Variants in CAMTA1 observed in about 807,000 individuals in gnomAD.
CAMTA1 encodes calmodulin binding transcription activator 1, also known as calmodulin-binding transcription activator 1.
A neutral mutation model predicts 170.9 loss-of-function variants in CAMTA1; 27 were observed. The observed-to-expected ratio is 0.16, with a 90% CI of 0.12 to 0.22. The LOEUF (loss-of-function observed/expected upper bound fraction) is 0.22, where lower values mean the gene tolerates loss of function less well. CAMTA1 is among the 10% of genes least tolerant of loss of function. The probability of loss-of-function intolerance (pLI) is 1.00; values close to 1 mark genes in which losing one functional copy is unlikely to be tolerated. For synonymous variants in CAMTA1, 833 were observed against 891.5 expected (o/e 0.93, Z 1.17); for missense variants, 1,619 against 2,217.2 (o/e 0.73, Z 5.42).
chr1:7,718,554 CTTTTT>C (rs34752156), intron 11 of CAMTA1, among the ~76,000 whole-genome samples: 18 of 123,542 alleles, frequency 1.5e-4, no homozygotes, highest in Non-Finnish European at 2.7e-4. Flanking sequence ...CATTACAGCA[CTTTTT>C]TTTTTTTTTT....
intron 7 of CAMTA1, among the ~76,000 whole-genome samples, chr1:7,660,243 T>C (rs542927949): frequency 6.6e-6 from 1 of 152,334 alleles, no homozygotes; most frequent in Admixed American, 6.5e-5. Context: ...TAATTTTGTA[T>C]TTTTGGTAGA....
In CAMTA1 at chr1:7,685,769, A is replaced by T. The variant is rs2096252713; in HGVS notation, c.2914+8036A>T. Among the ~76,000 whole-genome samples, 1 of 152,060 alleles carries T rather than the reference A, an allele frequency of 6.6e-6. No homozygotes were observed. The highest frequency in any genetic ancestry group is 2.4e-5 in the African/African-American group (1 of 41,374). On this transcript the variant is annotated intron_variant, in intron 11 of 22. Coordinates refer to ENST00000303635, the MANE Select transcript of CAMTA1 (RefSeq NM_015215.4). This position sits in a 1 kb window ranked among gnomAD's most constrained non-coding sequence, Gnocchi z 5.7. ...CTTCTTGGATCCAGGCCATCCATCT[A>T]ACGGCCTACAGGGCAGCTTGACCCA...
At chr1:7,475,927 G>A (rs988891321) in intron 6 of CAMTA1, among the ~76,000 whole-genome samples, 10 of 152,348 alleles carry the variant, frequency 6.6e-5, no homozygotes, top group African/African-American at 2.4e-4. Flanking sequence ...GCACACATGT[G>A]CAGTGAGCAG....
intron 5 of CAMTA1, among the ~76,000 whole-genome samples, chr1:7,423,209 G>T (rs2091677087): frequency 6.6e-6 from 1 of 152,184 alleles, no homozygotes; most frequent in Non-Finnish European, 1.5e-5. Context: ...GGTGGCTCAG[G>T]CCTGTAAGCC....
At chr1:6,810,533 G>A (rs1570294014) in intron 1 of CAMTA1, among the ~76,000 whole-genome samples, 1 of 152,198 alleles carries the variant, frequency 6.6e-6, no homozygotes, top group African/African-American at 2.4e-5. Context: ...GTGGCTGGGC[G>A]CGGTGGCTCA....
chr1:7,414,043 A>G (rs947922005), intron 5 of CAMTA1, among the ~76,000 whole-genome samples: 3 of 151,966 alleles, frequency 2.0e-5, no homozygotes, highest in Non-Finnish European at 4.4e-5. Context: ...GGTTCTGTTT[A>G]TATGCTGGAT....
At chr1:6,822,819 C>CACACACAA (rs993653187) in intron 2 of CAMTA1, among the ~76,000 whole-genome samples, 1 of 148,870 alleles carries the variant, frequency 6.7e-6, no homozygotes, top group Non-Finnish European at 1.5e-5. Flanking sequence ...CACACACACA[C>CACACACAA]ACACACAAAC....
chr1:7,350,727 G>A (rs2084605028), intron 5 of CAMTA1, among the ~76,000 whole-genome samples: 1 of 152,194 alleles, frequency 6.6e-6, no homozygotes, highest in Admixed American at 6.5e-5. Context: ...CATATGGTGT[G>A]TGTGTGTGTG....
rs371668581 is a variant in CAMTA1 at position 7,398,154 on chromosome 1, GCTCT to G, written c.439-69639_439-69636del. On this transcript the variant is annotated intron_variant, in intron 5 of 22. Transcript: ENST00000303635. ...TTCAGAAGTTAGATATAATAATATT[GCTCT>G]CTCTCTCTCTCTCTCTCTCTCTCTC... is the stretch of plus-strand genomic sequence containing the variant. Among the ~76,000 whole-genome samples, 95 of 26,220 alleles carry G rather than the reference GCTCT, an allele frequency of 3.6e-3. 1 individual carries two copies. The highest frequency in any genetic ancestry group is 4.4e-3 in the Non-Finnish European group (55 of 12,456). 17.2% of individuals were successfully genotyped at this position (26,220 alleles called of 152,430 possible).
intron 11 of CAMTA1, among the ~76,000 whole-genome samples, chr1:7,679,353 C>T (rs2096160273): frequency 6.6e-6 from 1 of 152,200 alleles, no homozygotes; most frequent in African/African-American, 2.4e-5. Flanking sequence ...AGCAAAGTCA[C>T]AGTCAGGCAG....
intron 6 of CAMTA1, among the ~76,000 whole-genome samples, chr1:7,493,646 G>A (rs56089886): frequency 1.7e-4 from 2 of 11,884 alleles, no homozygotes; most frequent in East Asian, 0.033. Context: ...AGGGAACTGG[G>A]GGGGGGGGGG....
chr1:6,832,384 C>G (rs1353576728), intron 3 of CAMTA1, among the ~76,000 whole-genome samples: 1 of 152,044 alleles, frequency 6.6e-6, no homozygotes, highest in East Asian at 1.9e-4. Flanking sequence ...GTTACCTTAC[C>G]TTTTAAAAAA....
chr1:7,160,191 G>A (rs1647126086), intron 4 of CAMTA1, among the ~76,000 whole-genome samples: 1 of 152,180 alleles, frequency 6.6e-6, no homozygotes, highest in Admixed American at 6.5e-5. Flanking sequence ...AGAGGTTGCA[G>A]TGAGCTGAGA....
chr1:7,220,403 C>T (rs1037682709), intron 4 of CAMTA1, among the ~76,000 whole-genome samples: 3 of 152,210 alleles, frequency 2.0e-5, no homozygotes, highest in African/African-American at 7.2e-5. Context: ...ACAAACCCGC[C>T]TTCTGCTGGG....
intron 11 of CAMTA1, among the ~76,000 whole-genome samples, chr1:7,730,870 G>C (rs1369367451): frequency 1.3e-5 from 2 of 151,832 alleles, no homozygotes; most frequent in Non-Finnish European, 2.9e-5. Flanking sequence ...TTGCACTCCA[G>C]CCTGGGCAAC....
At chr1:7,679,851 G>C (rs1019274989) in intron 11 of CAMTA1, among the ~76,000 whole-genome samples, 1 of 152,252 alleles carries the variant, frequency 6.6e-6, no homozygotes, top group Non-Finnish European at 1.5e-5. Flanking sequence ...GCAGAGAGCA[G>C]ATCAGGGCCC....
intron 2 of CAMTA1, 148 bp downstream of exon 2, chr1:6,820,398 A>C: frequency 1.4e-6 from 1 of 693,856 alleles, no homozygotes; most frequent in Admixed American, 2.7e-5. Context: ...TAGATGAGTT[A>C]CTTAATCCTT....
intron 5 of CAMTA1, among the ~76,000 whole-genome samples, chr1:7,270,162 T>C (rs1288844423): frequency 6.6e-6 from 1 of 150,904 alleles, no homozygotes; most frequent in African/African-American, 2.4e-5. Context: ...CTACAAGATA[T>C]ATTTGCTAGC....
At chr1:6,984,975 A>G (rs1339615245) in intron 3 of CAMTA1, among the ~76,000 whole-genome samples, 1 of 152,160 alleles carries the variant, frequency 6.6e-6, no homozygotes, top group African/African-American at 2.4e-5. Flanking sequence ...TGTATCTGCC[A>G]CACCAGTTTT....
Sources: allele counts gnomAD v4.1 joint callset (sites outside exome capture counted in the v4.1 genomes callset), GRCh38; gene constraint gnomAD v4.1.1; non-coding constraint Gnocchi (gnomAD v3.1); transcripts MANE v1.5; gene names NCBI Gene and HGNC (gene_info 2026-07-23, HGNC 2026-07-21).